Variants in EXOC4 observed in about 807,000 individuals in gnomAD.
The protein encoded by EXOC4 is exocyst complex component 4, also known as SEC8-like 1.
In EXOC4, 71 loss-of-function variants were observed where a neutral mutation model predicts 107.2. That is an observed-to-expected ratio of 0.66 (90% CI 0.55 to 0.81). The LOEUF (loss-of-function observed/expected upper bound fraction) is 0.81, where lower values mean the gene tolerates loss of function less well. EXOC4 is among the 30% of genes least tolerant of loss of function. The pLI, the probability that EXOC4 is intolerant of heterozygous loss-of-function variation, is 0.00. For synonymous variants in EXOC4, 456 were observed against 441.2 expected, an observed-to-expected ratio of 1.03 and a Z score of -0.42; for missense variants, 1,108 against 1,189.6, an observed-to-expected ratio of 0.93 and a Z score of 1.01.
At chr7:133,505,791 T>TA (rs1009350792) in intron 9 of EXOC4, among the ~76,000 whole-genome samples, 2 of 152,134 alleles carry the variant, frequency 1.3e-5, no homozygotes, top group African/African-American at 2.4e-5. Context: ...TTAAATAATG[T>TA]AAAAAAAAGT....
At chr7:133,660,590 G>T (rs1027581555) in intron 10 of EXOC4, among the ~76,000 whole-genome samples, 2 of 152,122 alleles carry the variant, frequency 1.3e-5, no homozygotes, top group African/African-American at 4.8e-5. Flanking sequence ...AATTGTCTTA[G>T]TGGAACTCTG....
chr7:133,857,481 C>T (rs1371308516), intron 11 of EXOC4, among the ~76,000 whole-genome samples: 2 of 79,712 alleles, frequency 2.5e-5, no homozygotes, highest in African/African-American at 9.8e-5. Flanking sequence ...GAGTTTCACT[C>T]ATGCCCGTTG....
chr7:133,718,195 T>C (rs1174444626), intron 10 of EXOC4, among the ~76,000 whole-genome samples: 1 of 152,164 alleles, frequency 6.6e-6, no homozygotes, highest in Non-Finnish European at 1.5e-5. Flanking sequence ...GAGTACTAGG[T>C]ATACTAGGTT....
chr7:133,623,338 C>G (rs904488008), intron 9 of EXOC4, among the ~76,000 whole-genome samples: 7 of 152,050 alleles, frequency 4.6e-5, no homozygotes, highest in Admixed American at 2.0e-4. Context: ...ACTTTTTCAG[C>G]CCTTTCTTGA....
chr7:133,669,754 A>G (rs1253427358), intron 10 of EXOC4, among the ~76,000 whole-genome samples: 1 of 152,216 alleles, frequency 6.6e-6, no homozygotes. Context: ...AACATGAAAT[A>G]AATTCCTTCA....
intron 10 of EXOC4, among the ~76,000 whole-genome samples, chr7:133,636,397 AGGCCT>A (rs1195795473): frequency 3.3e-5 from 5 of 152,200 alleles, no homozygotes; most frequent in African/African-American, 1.2e-4. Context: ...GGGAATCTGA[AGGCCT>A]GGCATTTTGA....
intron 10 of EXOC4, among the ~76,000 whole-genome samples, chr7:133,799,681 A>T (rs1231136130): frequency 1.3e-5 from 2 of 152,224 alleles, no homozygotes; most frequent in Non-Finnish European, 2.9e-5. Context: ...GATTCATGAG[A>T]TGGAAGTAAA....
chr7:134,014,066 T>C (rs1194409869), intron 17 of EXOC4, among the ~76,000 whole-genome samples: 1 of 152,154 alleles, frequency 6.6e-6, no homozygotes, highest in Non-Finnish European at 1.5e-5. Context: ...CGTACAAAAA[T>C]ACGCACACAA....
intron 7 of EXOC4, among the ~76,000 whole-genome samples, chr7:133,377,366 A>G (rs1796512990): frequency 6.6e-6 from 1 of 152,098 alleles, no homozygotes; most frequent in African/African-American, 2.4e-5. Flanking sequence ...ATAAATAAAT[A>G]AATAAATAAA....
rs1793953158 is a variant in EXOC4 at position 133,980,453 on chromosome 7, TGTA to T, written c.2207-17036_2207-17034del. 2.0e-5 allele frequency among the ~76,000 whole-genome samples: 3 copies of T among 152,358 alleles called. No homozygotes were observed. In the South Asian group the frequency reaches 6.2e-4, roughly 32 times the overall value. On this transcript the variant is annotated intron_variant, in intron 14 of 17. Transcript: ENST00000253861. ...TACAATGACCCTTTGAGGCTGAAAA[TGTA>T]GTCACTTCAATAAACAGGTTTAACG... is the stretch of plus-strand genomic sequence containing the variant.
intron 7 of EXOC4, among the ~76,000 whole-genome samples, chr7:133,437,833 T>C (rs746270776): frequency 6.6e-6 from 1 of 152,202 alleles, no homozygotes; most frequent in Non-Finnish European, 1.5e-5. Flanking sequence ...TATACAAATA[T>C]GTCTTTTTCA....
intron 9 of EXOC4, among the ~76,000 whole-genome samples, chr7:133,533,070 C>A (rs542712863): frequency 6.6e-6 from 1 of 152,200 alleles, no homozygotes; most frequent in East Asian, 1.9e-4. Context: ...ATTACAGAAG[C>A]TCTGAGCAAT....
intron 7 of EXOC4, among the ~76,000 whole-genome samples, chr7:133,428,681 G>A (rs1454405596): frequency 6.6e-6 from 1 of 152,186 alleles, no homozygotes; most frequent in Non-Finnish European, 1.5e-5. Flanking sequence ...GACTTGTTTA[G>A]TATAATATTC....
chr7:133,843,386 C>G (rs1047968899), intron 11 of EXOC4, among the ~76,000 whole-genome samples: 2 of 152,100 alleles, frequency 1.3e-5, no homozygotes, highest in African/African-American at 4.8e-5. Flanking sequence ...TCCTTTACCT[C>G]CCTGGTTAGC....
At chr7:133,933,417 G>A (rs1198071007) in intron 13 of EXOC4, among the ~76,000 whole-genome samples, 1 of 152,086 alleles carries the variant, frequency 6.6e-6, no homozygotes, top group Admixed American at 6.5e-5. Flanking sequence ...TTCATGTTTT[G>A]AGTTCTGATT....
chr7:134,015,061 G>A (rs1021931801), intron 17 of EXOC4, among the ~76,000 whole-genome samples: 1 of 152,176 alleles, frequency 6.6e-6, no homozygotes, highest in Non-Finnish European at 1.5e-5. Flanking sequence ...TAGTTCCGGG[G>A]ACTGGAGAAG....
chr7:133,675,656 T>A (rs1429761665), intron 10 of EXOC4, among the ~76,000 whole-genome samples: 1 of 152,198 alleles, frequency 6.6e-6, no homozygotes, highest in Non-Finnish European at 1.5e-5. Context: ...TTATTTGATT[T>A]AGAGCAGACT....
chr7:133,434,124 G>C (rs762534651), intron 7 of EXOC4, among the ~76,000 whole-genome samples: 6 of 152,254 alleles, frequency 3.9e-5, no homozygotes, highest in Middle Eastern at 6.8e-3. Context: ...TGTGCCTTCA[G>C]CATCATTAGA....
At chr7:133,897,353 A>T (rs2116531270) in intron 12 of EXOC4, among the ~76,000 whole-genome samples, 1 of 152,266 alleles carries the variant, frequency 6.6e-6, no homozygotes, top group East Asian at 1.9e-4. Flanking sequence ...TCATACATAT[A>T]CTTAACAATT....
Sources: gnomAD v4.1 joint callset for allele counts (sites outside exome capture counted in the v4.1 genomes callset) on GRCh38, gnomAD v4.1.1 for gene constraint, MANE v1.5 for transcripts, NCBI Gene and HGNC (gene_info 2026-07-23, HGNC 2026-07-21) for gene names.